The following MBD5 variants were observed in gnomAD, a reference collection of about 807,000 sequenced individuals.
MBD5 encodes methyl-CpG-binding domain protein 5.
In MBD5, 13 loss-of-function variants were observed where a neutral mutation model predicts 117.3. The observed-to-expected ratio is 0.11, with a 90% CI of 0.07 to 0.18. The LOEUF (loss-of-function observed/expected upper bound fraction) is 0.18. Ranked by LOEUF, MBD5 falls within the 10% of genes least tolerant of loss-of-function variation. MBD5 has a pLI of 1.00. For synonymous variants in MBD5, 727 were observed against 766.4 expected (o/e 0.95, Z 0.85); for missense variants, 1,879 against 2,093.8 (o/e 0.90, Z 2.00).
At chr2:148,493,132 T>C (rs1467503364) in intron 11 of MBD5, among the ~76,000 whole-genome samples, 1 of 152,230 alleles carries the variant, frequency 6.6e-6, no homozygotes, top group African/African-American at 2.4e-5. Flanking sequence ...CTGTTTATTA[T>C]AGTAAAACTT....
intron 3 of MBD5, among the ~76,000 whole-genome samples, chr2:148,303,473 C>T (rs1012125312): frequency 6.6e-6 from 1 of 152,102 alleles, no homozygotes. Flanking sequence ...TTTTCCAGTT[C>T]CAGAGTGTTA....
chr2:148,152,460 T>A (rs1697708278), intron 1 of MBD5, among the ~76,000 whole-genome samples: 1 of 152,070 alleles, frequency 6.6e-6, no homozygotes, highest in African/African-American at 2.4e-5. Flanking sequence ...TAGGTCCGCT[T>A]GCTGCAGAGC....
chr2:148,453,248 TTGAA>T (rs1427043436), intron 4 of MBD5, among the ~76,000 whole-genome samples: 1 of 152,142 alleles, frequency 6.6e-6, no homozygotes, highest in Admixed American at 6.6e-5. Flanking sequence ...GATGTCTAAT[TTGAA>T]TGATGAATGG....
chr2:148,432,923 A>C (rs923839532), intron 4 of MBD5, among the ~76,000 whole-genome samples: 1 of 152,088 alleles, frequency 6.6e-6, no homozygotes, highest in African/African-American at 2.4e-5. Flanking sequence ...GTAGTTTCAT[A>C]GGAATAGCAT....
At chr2:148,038,520 C>CAA (rs59293929) in intron 1 of MBD5, among the ~76,000 whole-genome samples, 11 of 83,238 alleles carry the variant, frequency 1.3e-4, no homozygotes, top group South Asian at 3.7e-4. Flanking sequence ...TGATTGCTGA[C>CAA]AAAAAAAAAA....
At chr2:148,464,412 G>A (rs1390783697) in intron 7 of MBD5, among the ~76,000 whole-genome samples, 1 of 152,066 alleles carries the variant, frequency 6.6e-6, no homozygotes. Context: ...TTTCAAAGCT[G>A]CAGAAAAGTT....
Position 148,468,719 on chromosome 2 carries a change from G to A in MBD5, c.776G>A (p.Gly259Glu). 1.2e-6 allele frequency: 2 copies of A among 1,613,870 alleles called. No homozygotes were observed. The highest frequency in any genetic ancestry group is 2.2e-5 in the South Asian group (2 of 91,072). The change falls in exon 8 of 14, where the codon GGA (glycine) becomes GAA (glutamate). Residue 259 changes from glycine (G) to glutamate (E), a missense_variant. By Grantham distance (98) the Gly-to-Glu change is moderately conservative. This residue lies in a region of MBD5 where 1,666 missense variants were observed against 1,792.2 expected (regional missense o/e 0.93). Transcript: ENST00000642680. ...VFTRSNPGFH[G>E]APNSSPIHLN... ...ACAAGAAGTAATCCTGGTTTTCATG[G>A]AGCTCCCAATTCTAGTCCTATTCAC...
At chr2:148,113,473 T>C (rs1325107752) in intron 1 of MBD5, among the ~76,000 whole-genome samples, 2 of 152,228 alleles carry the variant, frequency 1.3e-5, no homozygotes, top group African/African-American at 4.8e-5. Flanking sequence ...CCCAGTTTTG[T>C]TGGAGGACTA....
At chr2:148,262,956 G>T (rs970193493) in intron 3 of MBD5, among the ~76,000 whole-genome samples, 3 of 152,184 alleles carry the variant, frequency 2.0e-5, no homozygotes, top group African/African-American at 7.2e-5. Flanking sequence ...AAATATGCAA[G>T]AGATATTTAG....
At chr2:148,086,643 A>G (rs1364240505) in intron 1 of MBD5, among the ~76,000 whole-genome samples, 1 of 152,194 alleles carries the variant, frequency 6.6e-6, no homozygotes, top group Admixed American at 6.5e-5. Flanking sequence ...AGGAATTGGA[A>G]CAGGCTCAGA....
intron 5 of MBD5, among the ~76,000 whole-genome samples, chr2:148,459,746 A>G (rs1181338175): frequency 6.6e-6 from 1 of 152,162 alleles, no homozygotes; most frequent in Non-Finnish European, 1.5e-5. Context: ...CATAGAAATG[A>G]GATATTTTTG....
chr2:148,501,185 ACTT>A (rs763916791), intron 11 of MBD5, among the ~76,000 whole-genome samples: 27 of 152,304 alleles, frequency 1.8e-4, no homozygotes, highest in Middle Eastern at 3.4e-3. Flanking sequence ...AATAATGAAA[ACTT>A]CTTGTTAATC....
intron 2 of MBD5, among the ~76,000 whole-genome samples, chr2:148,188,451 C>A (rs1007943947): frequency 2.0e-5 from 3 of 151,898 alleles, no homozygotes; most frequent in African/African-American, 7.3e-5. Context: ...TTTGGGAGGC[C>A]AAGGGAGGAG....
intron 3 of MBD5, among the ~76,000 whole-genome samples, chr2:148,311,026 T>G (rs1046344562): frequency 6.6e-6 from 1 of 152,226 alleles, no homozygotes; most frequent in Non-Finnish European, 1.5e-5. Context: ...TGTTATAATT[T>G]CTGTTCTTTT....
Position 148,199,474 on chromosome 2 carries a change from A to G in MBD5, c.-831+20681A>G, listed in dbSNP as rs1699080042. Among the ~76,000 whole-genome samples, 2 of 152,226 alleles carry G rather than the reference A, an allele frequency of 1.3e-5. 1 individual carries two copies. Among genetic ancestry groups the G allele is most frequent in the South Asian group, 4.1e-4 (2 of 4,834 alleles). On this transcript the variant is annotated intron_variant, in intron 2 of 13. Transcript: ENST00000642680. ...ATAAAATGAATAAACTAATATGTTG[A>G]AAGGGAAAAGATGGCCAGGCACGGT... is the stretch of plus-strand genomic sequence containing the variant.
intron 8 of MBD5, among the ~76,000 whole-genome samples, chr2:148,475,181 G>A (rs1400342348): frequency 2.0e-5 from 3 of 152,068 alleles, no homozygotes; most frequent in Non-Finnish European, 2.9e-5. Context: ...TAAATGCTTC[G>A]ATTTTATCCC....
chr2:148,482,566 T>G lies in MBD5; in HGVS notation c.2519-544T>G, dbSNP rs530517459. 3.9e-5 allele frequency among the ~76,000 whole-genome samples: 6 copies of G among 152,304 alleles called. No individual in the cohort carries two copies. The South Asian group carries it at 1.0e-3, about 26-fold the overall frequency. On this transcript the variant is annotated intron_variant, in intron 8 of 13. Transcript: ENST00000642680. ...AGAAAAAGCCCAGAAAGCTATAAAC[T>G]AAAATGTTAATAGTTAATCTTCACA...
chr2:148,412,303 T>TGTGTGTGTGTGTGTGTGG (rs371452995), intron 4 of MBD5, among the ~76,000 whole-genome samples: 1 of 138,118 alleles, frequency 7.2e-6, no homozygotes, highest in African/African-American at 2.7e-5. Flanking sequence ...TGTGTGTGTG[T>TGTGTGTGTGTGTGTGTGG]AGAGAGAGAG....
At chr2:148,129,048 T>C (rs1448681673) in intron 1 of MBD5, among the ~76,000 whole-genome samples, 1 of 152,202 alleles carries the variant, frequency 6.6e-6, no homozygotes, top group Non-Finnish European at 1.5e-5. Flanking sequence ...CTTTCGTCTT[T>C]TTTATAAGGA....
Sources: allele counts gnomAD v4.1 joint callset (sites outside exome capture counted in the v4.1 genomes callset), GRCh38; gene constraint gnomAD v4.1.1; regional missense constraint gnomAD v4.1.1; transcripts MANE v1.5; gene names NCBI Gene and HGNC (gene_info 2026-07-23, HGNC 2026-07-21).